Variants in ATXN3 observed in about 807,000 individuals in gnomAD.
ATXN3 encodes ataxin 3, also known as ataxin-3.
In ATXN3, 28 loss-of-function variants were observed where a neutral mutation model predicts 58.2. That is an observed-to-expected ratio of 0.48 (90% CI 0.36 to 0.66). The LOEUF is 0.66. Among genes scored for constraint, ATXN3 ranks in the 30% least tolerant of loss-of-function variants. ATXN3 has a pLI of 0.00. For synonymous variants in ATXN3, 113 were observed against 138.5 expected (o/e 0.82, Z 1.29); for missense variants, 321 against 422.1 (o/e 0.76, Z 2.10).
chr14:92,087,613 G>A (rs972925956), intron 6 of ATXN3, among the ~76,000 whole-genome samples: 3 of 152,208 alleles, frequency 2.0e-5, no homozygotes, highest in Non-Finnish European at 4.4e-5. Context: ...TGTCATTCAA[G>A]TATGATGGAG....
intron 1 of ATXN3, among the ~76,000 whole-genome samples, chr14:92,100,904 A>C (rs912206762): frequency 1.3e-5 from 2 of 152,158 alleles, no homozygotes; most frequent in African/African-American, 4.8e-5. Context: ...CAGTAAGAAA[A>C]AAGCCTTTGC....
chr14:92,106,434 C>G, intron 1 of ATXN3, 95 bp downstream of exon 1: 1 of 1,536,344 alleles, frequency 6.5e-7, no homozygotes, highest in Non-Finnish European at 9.0e-7. Flanking sequence ...ATGGGGGCGA[C>G]TCGGGCCCCA....
rs946781134 is a variant in ATXN3, at chr14:92,079,195, A to AG, written c.872+1769_872+1770insC. Among the ~76,000 whole-genome samples the AG allele has an allele frequency of 3.0e-4, 46 of 151,704 alleles. 1 individual carries two copies. Among genetic ancestry groups the AG allele is most frequent in the African/African-American group, 1.1e-3 (46 of 41,412 alleles). ...AGCAAGACTCCATCTCAAAAAAAAA[A>AG]AAAAAAAAAAGCAAGATTGGCCGTG... is the stretch of plus-strand genomic sequence containing the variant. On this transcript the variant is annotated intron_variant, in intron 9 of 10. Transcript: ENST00000644486.
At chr14:92,089,217 C>A (rs2140957373) in intron 5 of ATXN3, among the ~76,000 whole-genome samples, 1 of 151,720 alleles carries the variant, frequency 6.6e-6, no homozygotes, top group African/African-American at 2.4e-5. Context: ...AGCACATTTG[C>A]CACATTGGCC....
chr14:92,083,466 C>T (rs1274730392), intron 6 of ATXN3: 2 of 670,046 alleles, frequency 3.0e-6, no homozygotes, highest in Admixed American at 4.2e-5. Context: ...GCCTCACTTT[C>T]TCCATTGTAA....
At position 92,058,693 on chromosome 14, in the gene ATXN3, T is replaced by G. The variant is rs767691121; in HGVS notation, c.*5627A>C. On this transcript the variant is annotated 3_prime_UTR_variant, in exon 11 of 11. Coordinates refer to ENST00000644486, the MANE Select transcript of ATXN3 (RefSeq NM_004993.6). ...TCTAACGACCAGACAGGAAGGCCTG[T>G]GTGTGTAATAACAGCAAATGAACTT... 3.3e-5 allele frequency: 5 copies of G among 152,186 alleles called. No individual in the cohort carries two copies. The highest frequency in any genetic ancestry group is 4.8e-5 in the African/African-American group (2 of 41,464). 9.4% of individuals were successfully genotyped at this position (152,186 alleles called of 1,614,324 possible). A position where few individuals can be genotyped will look rare whatever the true frequency, so the allele number is the denominator to read the frequency against.
At chr14:92,101,644 G>C (rs2066818190) in intron 1 of ATXN3, among the ~76,000 whole-genome samples, 1 of 151,920 alleles carries the variant, frequency 6.6e-6, no homozygotes, top group Non-Finnish European at 1.5e-5. Context: ...GATCACTTGA[G>C]ATCAGGAGTT....
At chr14:92,086,270 A>AT (rs1255436808) in intron 6 of ATXN3, among the ~76,000 whole-genome samples, 1 of 149,594 alleles carries the variant, frequency 6.7e-6, no homozygotes, top group Non-Finnish European at 1.5e-5. Flanking sequence ...AAAAAAAAAA[A>AT]ATTTAGCCGG....
In ATXN3 at chr14:92,060,270, A is replaced by ATATATTTTTT. The variant is rs1555392594; in HGVS notation, c.*4049_*4050insAAAAAATATA. 8.5e-6 allele frequency: 1 copy of ATATATTTTTT among 117,422 alleles called. No individual in the cohort carries two copies. The highest frequency in any genetic ancestry group is 1.7e-5 in the Non-Finnish European group (1 of 59,196). 7.3% of individuals were successfully genotyped at this position (117,422 alleles called of 1,614,324 possible). A position where few individuals can be genotyped will look rare whatever the true frequency, so the allele number is the denominator to read the frequency against. On this transcript the variant is annotated 3_prime_UTR_variant, in exon 11 of 11. Transcript: ENST00000644486. ...CACACATATATATATATATATATAT[A>ATATATTTTTT]TTTTTTTTTTTCAGAAACAGTGTCT...
intron 6 of ATXN3, among the ~76,000 whole-genome samples, chr14:92,086,236 T>G (rs1166760064): frequency 9.6e-6 from 1 of 104,484 alleles, no homozygotes; most frequent in Admixed American, 8.7e-5. Context: ...GGTGAAACCC[T>G]GTCTCTACTA....
intron 6 of ATXN3, chr14:92,083,600 T>C (rs1845065945): frequency 2.6e-6 from 1 of 388,428 alleles, no homozygotes; most frequent in Non-Finnish European, 5.0e-6. Flanking sequence ...TAACAGCAAC[T>C]GATTTAGAAT....
rs35141835 is a variant in ATXN3, at chr14:92,060,734, AT to A, written c.*3585del. 1.4e-3 allele frequency: 198 copies of A among 138,492 alleles called. No homozygotes were observed. Among genetic ancestry groups the A allele is most frequent in the Middle Eastern group, 3.8e-3 (1 of 264 alleles). The allele number at this position is 138,492 out of a possible 1,614,324, so 8.6% of individuals were successfully genotyped here. On this transcript the variant is annotated 3_prime_UTR_variant, in exon 11 of 11. Transcript: ENST00000644486. ...TTTAGTAGCTCTTGGCACTAGCATG[AT>A]TTTTTTTTTTTTTTTGAGACAGAGT... is the stretch of plus-strand genomic sequence containing the variant.
chr14:92,103,705 G>C lies in ATXN3; in HGVS notation c.24+2824C>G, dbSNP rs186458642. ...TCTCAGGCACTGCAGATATATCAGT[G>C]AGAAACTGTTTTTACATTCTAACTT... On this transcript the variant is annotated intron_variant, in intron 1 of 10. Transcript: ENST00000644486. 1.2e-4 allele frequency among the ~76,000 whole-genome samples: 19 copies of C among 152,316 alleles called. No homozygotes were observed. The East Asian group carries it at 3.7e-3, about 29-fold the overall frequency.
chr14:92,046,147 T>A (rs1461975164), intron 2 of ATXN3: 1 of 151,904 alleles, frequency 6.6e-6, no homozygotes, highest in African/African-American at 2.4e-5. Context: ...AATATTGACA[T>A]GTAGTCCTTT....
chr14:92,085,135 C>T lies in ATXN3; in HGVS notation c.476-1877G>A, dbSNP rs140477113. Among the ~76,000 whole-genome samples the T allele has an allele frequency of 8.4e-4, 127 of 151,934 alleles. 1 individual carries two copies. Among genetic ancestry groups the T allele is most frequent in the Admixed American group, 2.6e-3 (40 of 15,226 alleles). ...GTGTCTGAAGAATGGATACTCTGCC[C>T]TGTTCAGGGGCCATGGTAAAGATCT... On this transcript the variant is annotated intron_variant, in intron 6 of 10. Coordinates refer to ENST00000644486, the MANE Select transcript of ATXN3 (RefSeq NM_004993.6).
chr14:92,085,587 TG>T (rs1259096310), intron 6 of ATXN3, among the ~76,000 whole-genome samples: 1 of 152,322 alleles, frequency 6.6e-6, no homozygotes, highest in East Asian at 1.9e-4. Context: ...AGAAGCACTC[TG>T]GGCTGCTCTG....
chr14:92,057,988 G>C (rs561193024), downstream of ATXN3, among the ~76,000 whole-genome samples: 49 of 152,176 alleles, frequency 3.2e-4, no homozygotes, highest in African/African-American at 9.9e-4. Flanking sequence ...AGGATTAAAG[G>C]CATGAGCCAC....
chr14:92,093,929 T>A, intron 3 of ATXN3, 98 bp from the exon 4 acceptor site: 3 of 692,278 alleles, frequency 4.3e-6, no homozygotes, highest in South Asian at 1.8e-5. Context: ...TATAAATTTC[T>A]CTAGAAGGCT....
chr14:92,070,636 G>A, intron 10 of ATXN3: 1 of 764,672 alleles, frequency 1.3e-6, no homozygotes, highest in Non-Finnish European at 2.0e-6. Flanking sequence ...ACAAATTACT[G>A]TGAAGTTTAA....
Sources: allele counts gnomAD v4.1 joint callset (sites outside exome capture counted in the v4.1 genomes callset), GRCh38; gene constraint gnomAD v4.1.1; transcripts MANE v1.5; gene names NCBI Gene and HGNC (gene_info 2026-07-23, HGNC 2026-07-21).